SHISAL1: variants seen among roughly 807,000 people sequenced by gnomAD.
The protein encoded by SHISAL1 is protein shisa-like-1.
A neutral mutation model predicts 22.6 loss-of-function variants in SHISAL1; 9 were observed. The ratio of observed to expected loss-of-function variants is 0.40; its 90% confidence interval spans 0.24 to 0.70. The LOEUF (loss-of-function observed/expected upper bound fraction) is 0.70, where lower values mean the gene tolerates loss of function less well. SHISAL1 is among the 30% of genes least tolerant of loss of function. The pLI, the probability that SHISAL1 is intolerant of heterozygous loss-of-function variation, is 0.39. For missense variants in SHISAL1, 246 were observed against 270.6 expected (o/e 0.91, Z 0.64); for synonymous variants, 119 against 115.4 (o/e 1.03, Z -0.20).
intron 3 of SHISAL1, among the ~76,000 whole-genome samples, chr22:44,288,058 A>G (rs2055328430): frequency 6.6e-6 from 1 of 152,070 alleles, no homozygotes; most frequent in South Asian, 2.1e-4. Context: ...GCCAAGAAAT[A>G]ATAGTACCAG....
intron 2 of SHISAL1, among the ~76,000 whole-genome samples, chr22:44,300,112 G>GAC (rs1569223939): frequency 6.9e-6 from 1 of 144,574 alleles, no homozygotes; most frequent in African/African-American, 2.9e-5. Flanking sequence ...GAGACAGACA[G>GAC]AGAGACAGAG....
intron 4 of SHISAL1, among the ~76,000 whole-genome samples, chr22:44,278,618 G>T (rs976379316): frequency 3.9e-5 from 6 of 152,300 alleles, no homozygotes; most frequent in Non-Finnish European, 8.8e-5. Context: ...GCCTCTCCAC[G>T]CATCTTAATG....
chr22:44,259,669 G>T (rs1176513955), intron 4 of SHISAL1, among the ~76,000 whole-genome samples: 1 of 152,102 alleles, frequency 6.6e-6, no homozygotes, highest in Non-Finnish European at 1.5e-5. Context: ...GAAGGAAAAG[G>T]ACTTTGGGTT....
At chr22:44,314,517 G>A (rs1012544643), upstream of SHISAL1, among the ~76,000 whole-genome samples, 5 of 152,254 alleles carry the variant, frequency 3.3e-5, no homozygotes, top group Non-Finnish European at 5.9e-5. Context: ...TCCACCCTAC[G>A]AGGCAGGAAT....
chr22:44,261,430 G>A (rs1203064567), intron 4 of SHISAL1, among the ~76,000 whole-genome samples: 2 of 152,104 alleles, frequency 1.3e-5, no homozygotes, highest in Non-Finnish European at 2.9e-5. Context: ...GTAACACCCT[G>A]TACCACACAG....
At chr22:44,322,841 T>C in the SHISAL1 span, among the ~76,000 whole-genome samples, 1 of 152,324 alleles carries the variant, frequency 6.6e-6, no homozygotes, top group South Asian at 2.1e-4. Context: ...AAAGGGAAGC[T>C]TCTGCCCCCA....
chr22:44,246,428 A>C lies in SHISAL1; in HGVS notation c.*3257T>G, dbSNP rs1031649509. On this transcript the variant is annotated 3_prime_UTR_variant, in exon 5 of 5. Coordinates refer to ENST00000381176, the MANE Select transcript of SHISAL1 (RefSeq NM_001099294.2). Reference sequence around the variant, plus strand: ...GTGATGGACAGAAGCTCACAGTAAAAAGTAAAAGTAGGCAGCTTAAAAAAT... The same window carrying C: ...GTGATGGACAGAAGCTCACAGTAAACAGTAAAAGTAGGCAGCTTAAAAAAT... 1 of 152,152 alleles carries C rather than the reference A, an allele frequency of 6.6e-6. No homozygotes were observed. Among genetic ancestry groups the C allele is most frequent in the African/African-American group, 2.4e-5 (1 of 41,410 alleles). The allele number at this position is 152,152 out of a possible 1,614,324, so 9.4% of individuals were successfully genotyped here.
intron 2 of SHISAL1, among the ~76,000 whole-genome samples, chr22:44,299,600 C>T (rs991644707): frequency 2.0e-5 from 3 of 152,142 alleles, no homozygotes; most frequent in African/African-American, 7.2e-5. Context: ...ATCCTCATAG[C>T]CTCCCTCTGA....
At chr22:44,256,079 T>C (rs2055082350) in intron 4 of SHISAL1, among the ~76,000 whole-genome samples, 1 of 152,192 alleles carries the variant, frequency 6.6e-6, no homozygotes, top group Non-Finnish European at 1.5e-5. Flanking sequence ...ACATTGTTCT[T>C]CTCCTGCCTT....
chr22:44,254,345 C>CT (rs915076291), intron 4 of SHISAL1, among the ~76,000 whole-genome samples: 58 of 151,980 alleles, frequency 3.8e-4, no homozygotes, highest in Non-Finnish European at 6.8e-4. Context: ...ACTCCATGTT[C>CT]TTTTTTTAAT....
At chr22:44,297,257 G>A (rs2055393839) in intron 2 of SHISAL1, among the ~76,000 whole-genome samples, 1 of 152,244 alleles carries the variant, frequency 6.6e-6, no homozygotes, top group South Asian at 2.1e-4. Context: ...CCACTTTACA[G>A]ATGGAGAAAC....
rs2055020956 is a variant in SHISAL1 at position 44,248,316 on chromosome 22, T to TTTGGTATCA, written c.*1368_*1369insTGATACCAA. 1 of 151,568 alleles carries TTTGGTATCA rather than the reference T, an allele frequency of 6.6e-6. No individual in the cohort carries two copies. The highest frequency in any genetic ancestry group is 2.4e-5 in the African/African-American group (1 of 40,826). The allele number at this position is 151,568 out of a possible 1,614,324, so 9.4% of individuals were successfully genotyped here. On this transcript the variant is annotated 3_prime_UTR_variant, in exon 5 of 5. Transcript: ENST00000381176. ...CTGCGTCAGAGGACACACACATTGA[T>TTTGGTATCA]CAAGCAGGGCCTCCCGAGCTAAGAG...
intron 3 of SHISAL1, among the ~76,000 whole-genome samples, chr22:44,291,235 C>T (rs1043995178): frequency 9.9e-5 from 15 of 152,206 alleles, no homozygotes; most frequent in African/African-American, 3.6e-4. Flanking sequence ...ATGCTTTACA[C>T]ATAGAACCAA....
chr22:44,255,371 C>A (rs570626896), intron 4 of SHISAL1, among the ~76,000 whole-genome samples: 95 of 152,280 alleles, frequency 6.2e-4, no homozygotes, highest in Non-Finnish European at 8.7e-4. Flanking sequence ...AAAATCCCAA[C>A]CTTCCTCCTC....
In SHISAL1 at chr22:44,281,427, T is replaced by A. The variant is rs148503732; in HGVS notation, c.599+4001A>T. ...GAATACTGGTGGAAGTGTGTGTGTG[T>A]GAGTGTGTATGTGTGTGTGTTTGTG... On this transcript the variant is annotated intron_variant, in intron 4 of 4. Transcript: ENST00000381176. Among the ~76,000 whole-genome samples the A allele has an allele frequency of 7.6e-3, 1,151 of 151,844 alleles. 6 individuals carry two copies. The highest frequency in any genetic ancestry group is 0.012 in the Non-Finnish European group (800 of 67,916).
At chr22:44,255,336 C>G (rs541309598) in intron 4 of SHISAL1, among the ~76,000 whole-genome samples, 7 of 152,142 alleles carry the variant, frequency 4.6e-5, no homozygotes, top group Non-Finnish European at 8.8e-5. Context: ...TTAATAGATA[C>G]CTCAAACTTA....
At chr22:44,262,500 C>T (rs2055131965) in intron 4 of SHISAL1, among the ~76,000 whole-genome samples, 4 of 152,230 alleles carry the variant, frequency 2.6e-5, no homozygotes, top group Admixed American at 2.6e-4. Context: ...CGTGTGGAGC[C>T]TCAGTTCTCT....
chr22:44,324,812 T>C, the SHISAL1 span, among the ~76,000 whole-genome samples: 1 of 152,306 alleles, frequency 6.6e-6, no homozygotes, highest in African/African-American at 2.4e-5. Context: ...AGGATAGGGC[T>C]CATCTCAGCT....
chr22:44,326,194 C>T, the SHISAL1 span, among the ~76,000 whole-genome samples: 2 of 152,184 alleles, frequency 1.3e-5, no homozygotes, highest in Admixed American at 1.3e-4. Context: ...GTTTCCGTGA[C>T]AAGCTCCGGG....
Sources: gnomAD v4.1 joint callset for allele counts (sites outside exome capture counted in the v4.1 genomes callset) on GRCh38, gnomAD v4.1.1 for gene constraint, MANE v1.5 for transcripts, NCBI Gene and HGNC (gene_info 2026-07-23, HGNC 2026-07-21) for gene names.